The following MGLL variants were observed in gnomAD, a reference collection of about 807,000 sequenced individuals.
MGLL encodes the protein lysophospholipase homolog.
Under a neutral mutation model 29.1 loss-of-function variants are expected in MGLL, and 7 were observed. The observed-to-expected ratio is 0.24, with a 90% CI of 0.14 to 0.45. MGLL has a LOEUF of 0.45. MGLL is among the 20% of genes least tolerant of loss of function. The probability of loss-of-function intolerance (pLI) is 0.99; values close to 1 mark genes in which losing one functional copy is unlikely to be tolerated. For synonymous variants in MGLL, 148 were observed against 168.3 expected (o/e 0.88, Z 0.93); for missense variants, 356 against 413.6 (o/e 0.86, Z 1.21).
Position 127,695,196 on chromosome 3 carries a change from G to A in MGLL, c.601-6C>T, listed in dbSNP as rs372849294. The A allele has an allele frequency of 1.9e-6, 3 of 1,612,846 alleles. No individual in the cohort carries two copies. The highest frequency in any genetic ancestry group is 2.5e-6 in the Non-Finnish European group (3 of 1,179,172). ...TCTGAGTTATAAATGTCGACCTGGA[G>A]GAAGAAGGAGAGGGTTCCATCAGCA... On this transcript the variant is annotated splice_polypyrimidine_tract_variant and splice_region_variant and intron_variant, in intron 6 of 7. Coordinates refer to ENST00000265052, the MANE Select transcript of MGLL (RefSeq NM_007283.7).
chr3:127,749,001 T>C (rs1379783536), intron 3 of MGLL, among the ~76,000 whole-genome samples: 1 of 152,198 alleles, frequency 6.6e-6, no homozygotes, highest in Non-Finnish European at 1.5e-5. Flanking sequence ...CAGCCTCACC[T>C]TGCCCTCTGC....
chr3:127,730,842 C>T (rs924394199), intron 3 of MGLL, among the ~76,000 whole-genome samples: 1 of 152,152 alleles, frequency 6.6e-6, no homozygotes, highest in Non-Finnish European at 1.5e-5. Context: ...CAAAACAGTC[C>T]TGAGTGAACG....
At chr3:127,717,501 A>C (rs2075837990) in intron 5 of MGLL, among the ~76,000 whole-genome samples, 1 of 152,184 alleles carries the variant, frequency 6.6e-6, no homozygotes, top group Non-Finnish European at 1.5e-5. Context: ...AATGCATGTC[A>C]GGCACCGAGT....
rs1273595959 is a variant in MGLL, at chr3:127,689,671, C to G, written c.*2527G>C. The G allele has an allele frequency of 6.6e-6, 1 of 152,330 alleles. No homozygotes were observed. Among genetic ancestry groups the G allele is most frequent in the Admixed American group, 6.5e-5 (1 of 15,294 alleles). The allele number at this position is 152,330 out of a possible 1,614,324, so 9.4% of individuals were successfully genotyped here. On this transcript the variant is annotated 3_prime_UTR_variant, in exon 8 of 8. Transcript: ENST00000265052. ...ACCTCAGTTCCTCCACGCCCCTGCG[C>G]TGGTGTGACTCCAGAGCTCAGAATG...
At chr3:127,721,932 T>G (rs1366829609) in intron 4 of MGLL, among the ~76,000 whole-genome samples, 8 of 152,256 alleles carry the variant, frequency 5.3e-5, no homozygotes, top group Admixed American at 3.3e-4. Context: ...ATTTGCTCGA[T>G]TACATTTTAA....
intron 3 of MGLL, among the ~76,000 whole-genome samples, chr3:127,739,805 T>C (rs919803755): frequency 9.2e-5 from 14 of 152,182 alleles, no homozygotes; most frequent in African/African-American, 2.7e-4. Flanking sequence ...TCTTTGAGGC[T>C]TTGGGGGTTC....
intron 3 of MGLL, among the ~76,000 whole-genome samples, chr3:127,763,832 G>A (rs2076809357): frequency 6.6e-6 from 1 of 152,200 alleles, no homozygotes. Flanking sequence ...CTGCAGATGG[G>A]TCTTGTCCTC....
At chr3:127,730,430 T>C (rs2076128317) in intron 3 of MGLL, among the ~76,000 whole-genome samples, 1 of 152,234 alleles carries the variant, frequency 6.6e-6, no homozygotes, top group African/African-American at 2.4e-5. Flanking sequence ...CCACGGTTCC[T>C]GAAGCATACG....
At chr3:127,765,047 T>C (rs955509915) in intron 3 of MGLL, among the ~76,000 whole-genome samples, 1 of 151,806 alleles carries the variant, frequency 6.6e-6, no homozygotes, top group Admixed American at 6.6e-5. Flanking sequence ...ACCACCTATT[T>C]GTTCTACACC....
chr3:127,726,173 AAAGAAAG>A (rs1487493798), intron 3 of MGLL, among the ~76,000 whole-genome samples: 14 of 36,852 alleles, frequency 3.8e-4, no homozygotes, highest in African/African-American at 1.3e-3. Context: ...AGAAAGAAAG[AAAGAAAG>A]AAAGAAAAGA....
chr3:127,786,572 A>C (rs529984674), intron 2 of MGLL, among the ~76,000 whole-genome samples: 69 of 152,352 alleles, frequency 4.5e-4, no homozygotes, highest in African/African-American at 1.6e-3. Flanking sequence ...CTCCCAATAA[A>C]GCACACACAG....
chr3:127,722,561 G>A lies in MGLL; in HGVS notation c.268C>T (p.His90Tyr), dbSNP rs1192458079. The A allele has an allele frequency of 6.2e-7, 1 of 1,614,210 alleles. No individual in the cohort carries two copies. The highest frequency in any genetic ancestry group is 8.5e-7 in the Non-Finnish European group (1 of 1,180,040). The part of the protein sequence containing the change: ...LLVFAHDHVG[H>Y]GQSEGERMVV... ...ATCCTCTCCCCTTCGCTCTGTCCGT[G>A]GCCAACTGGAAAGGAACGGGAGATG... Residue 90 changes from histidine (H) to tyrosine (Y), a missense_variant, in exon 4 of 8, where the codon CAC becomes TAC. His to Tyr is a moderately conservative substitution (Grantham distance 83). Transcript: ENST00000265052.
intron 7 of MGLL, among the ~76,000 whole-genome samples, chr3:127,692,742 G>T (rs2075271556): frequency 1.3e-5 from 2 of 152,148 alleles, no homozygotes; most frequent in Non-Finnish European, 2.9e-5. Context: ...AGGTCTCCAG[G>T]GACCTCCATT....
At position 127,690,610 on chromosome 3, in the gene MGLL, G is replaced by A. The variant is rs924346774; in HGVS notation, c.*1588C>T. The A allele has an allele frequency of 6.5e-6, 1 of 152,792 alleles. No individual in the cohort carries two copies. Among genetic ancestry groups the A allele is most frequent in the Non-Finnish European group, 1.5e-5 (1 of 68,128 alleles). 9.5% of individuals were successfully genotyped at this position (152,792 alleles called of 1,614,324 possible). A position where few individuals can be genotyped will look rare whatever the true frequency, so the allele number is the denominator to read the frequency against. ...GACTTCATGTTGGGGGTCCTGGTGG[G>A]AAGTGGCCTCTCCTCTGTGGCCCCA... On this transcript the variant is annotated 3_prime_UTR_variant, in exon 8 of 8. Coordinates refer to ENST00000265052, the MANE Select transcript of MGLL (RefSeq NM_007283.7).
At chr3:127,807,606 C>T (rs925282791) in intron 2 of MGLL, among the ~76,000 whole-genome samples, 2 of 151,832 alleles carry the variant, frequency 1.3e-5, no homozygotes, top group African/African-American at 4.8e-5. Flanking sequence ...TGGTTGGTAA[C>T]TCTGTCAGTG....
At chr3:127,801,403 G>A (rs2077478086) in intron 2 of MGLL, among the ~76,000 whole-genome samples, 1 of 151,510 alleles carries the variant, frequency 6.6e-6, no homozygotes, top group South Asian at 2.1e-4. Flanking sequence ...GATCACCTGA[G>A]ATCAGGATTT....
chr3:127,747,899 AG>A (rs1258411023), intron 3 of MGLL, among the ~76,000 whole-genome samples: 7 of 152,148 alleles, frequency 4.6e-5, no homozygotes, highest in Non-Finnish European at 7.4e-5. Flanking sequence ...ATCCTAGGGA[AG>A]GGGGGTCCTC....
intron 2 of MGLL, among the ~76,000 whole-genome samples, chr3:127,790,165 T>C (rs1449768355): frequency 6.6e-6 from 1 of 152,194 alleles, no homozygotes; most frequent in African/African-American, 2.4e-5. Context: ...AGTGACTCAA[T>C]CACTCTATGT....
chr3:127,776,375 G>C (rs68125058), intron 3 of MGLL, among the ~76,000 whole-genome samples: 3 of 152,188 alleles, frequency 2.0e-5, no homozygotes, highest in South Asian at 2.1e-4. Flanking sequence ...TCTGAGGGGT[G>C]GGGGAGGGGG....
Sources: gnomAD v4.1 joint callset for allele counts (sites outside exome capture counted in the v4.1 genomes callset) on GRCh38, gnomAD v4.1.1 for gene constraint, MANE v1.5 for transcripts, NCBI Gene and HGNC (gene_info 2026-07-23, HGNC 2026-07-21) for gene names.